Variants in GPC6 observed in about 807,000 individuals in gnomAD.
The protein encoded by GPC6 is glypican 6, also known as glypican-6.
In GPC6, 14 loss-of-function variants were observed where a neutral mutation model predicts 55.2. The observed-to-expected ratio is 0.25, with a 90% CI of 0.17 to 0.40. The LOEUF is 0.40. Ranked by LOEUF, GPC6 falls within the 10% of genes least tolerant of loss-of-function variation. The pLI is 1.00. For missense variants in GPC6, 641 were observed against 708.5 expected, an observed-to-expected ratio of 0.90 and a Z score of 1.08; for synonymous variants, 278 against 259.6, an observed-to-expected ratio of 1.07 and a Z score of -0.68.
At chr13:93,403,972 T>A (rs1006275974) in intron 1 of GPC6, among the ~76,000 whole-genome samples, 3 of 152,164 alleles carry the variant, frequency 2.0e-5, no homozygotes, top group Non-Finnish European at 2.9e-5. Context: ...CTTCATGGAA[T>A]CATCTTGATA....
At chr13:93,451,105 T>C (rs1878207742) in intron 1 of GPC6, among the ~76,000 whole-genome samples, 1 of 152,320 alleles carries the variant, frequency 6.6e-6, no homozygotes, top group East Asian at 1.9e-4. Context: ...GAATCAAAGA[T>C]AATGTCTAAT....
At chr13:93,633,534 G>A (rs1000474902) in intron 2 of GPC6, among the ~76,000 whole-genome samples, 8 of 151,950 alleles carry the variant, frequency 5.3e-5, no homozygotes, top group Non-Finnish European at 8.8e-5. Context: ...TACTCTGGAG[G>A]CTGAGGCAGG....
At chr13:94,304,662 T>C (rs1875847526) in intron 5 of GPC6, among the ~76,000 whole-genome samples, 1 of 152,202 alleles carries the variant, frequency 6.6e-6, no homozygotes, top group South Asian at 2.1e-4. Context: ...GTAAAGGTAT[T>C]ATCTCTCGAT....
intron 1 of GPC6, among the ~76,000 whole-genome samples, chr13:93,367,105 T>A (rs9561332): frequency 0.44 from 66,853 of 151,802 alleles, 16,423 homozygotes; most frequent in East Asian, 0.91. Flanking sequence ...AAAACATTTC[T>A]TTGCTTAGTT....
chr13:94,367,793 AAT>A (rs1879348309), intron 6 of GPC6, among the ~76,000 whole-genome samples: 1 of 151,938 alleles, frequency 6.6e-6, no homozygotes. Context: ...ACTTTTTTAA[AAT>A]TTTTATTTAT....
intron 1 of GPC6, among the ~76,000 whole-genome samples, chr13:93,516,542 TA>T (rs1280658802): frequency 5.9e-5 from 9 of 152,122 alleles, no homozygotes; most frequent in African/African-American, 1.7e-4. Flanking sequence ...TCAACACCAG[TA>T]AAAGGTTTCT....
chr13:93,487,891 C>T (rs1280498465), intron 1 of GPC6, among the ~76,000 whole-genome samples: 1 of 152,146 alleles, frequency 6.6e-6, no homozygotes, highest in African/African-American at 2.4e-5. Context: ...TTCTCTACCT[C>T]ATCATACTGC....
intron 4 of GPC6, among the ~76,000 whole-genome samples, chr13:94,131,387 T>G (rs1053614884): frequency 6.6e-6 from 1 of 152,144 alleles, no homozygotes; most frequent in African/African-American, 2.4e-5. Context: ...ACAGAGAAAA[T>G]ACTAACTCAT....
intron 4 of GPC6, among the ~76,000 whole-genome samples, chr13:94,196,972 C>T (rs1566531247): frequency 6.6e-6 from 1 of 152,232 alleles, no homozygotes; most frequent in East Asian, 1.9e-4. Flanking sequence ...ATAAATATCT[C>T]TGCTGGAATA....
chr13:93,227,641 C>A lies in GPC6; in HGVS notation c.160+25C>A. ...GGTAAGCGCGGGCGCGCTGCAGGGGCAGGCTGCAGCCCTCGGCTGCCGCAC... is the reference window on the plus strand; with the variant it reads ...GGTAAGCGCGGGCGCGCTGCAGGGGAAGGCTGCAGCCCTCGGCTGCCGCAC... On this transcript the variant is annotated intron_variant, in intron 1 of 8. Coordinates refer to ENST00000377047, the MANE Select transcript of GPC6 (RefSeq NM_005708.5). The surrounding 1 kb of genome is among the most constrained non-coding windows in gnomAD (Gnocchi z 4.3). 1.9e-6 allele frequency: 3 copies of A among 1,567,632 alleles called. No individual in the cohort carries two copies. Among genetic ancestry groups the A allele is most frequent in the Non-Finnish European group, 2.6e-6 (3 of 1,157,508 alleles).
In GPC6 at chr13:93,882,022, C is replaced by T. The variant is rs188328771; in HGVS notation, c.711+51477C>T. Among the ~76,000 whole-genome samples, 697 of 152,048 alleles carry T rather than the reference C, an allele frequency of 4.6e-3. 4 individuals are homozygous for T. Among genetic ancestry groups the T allele is most frequent in the South Asian group, 0.019 (93 of 4,822 alleles). ...TAGTTTTCAATCAAAACATGGTTTT[C>T]CCAAGTATTTTTTTTCCTTACTTTC... On this transcript the variant is annotated intron_variant, in intron 3 of 8. Coordinates refer to ENST00000377047, the MANE Select transcript of GPC6 (RefSeq NM_005708.5).
chr13:93,718,541 C>T (rs529142901), intron 2 of GPC6, among the ~76,000 whole-genome samples: 2 of 152,124 alleles, frequency 1.3e-5, no homozygotes, highest in East Asian at 3.9e-4. Flanking sequence ...AAAATGTTCT[C>T]CCATTCTGTA....
chr13:94,358,710 T>G (rs1180372286), intron 6 of GPC6, among the ~76,000 whole-genome samples: 1 of 152,222 alleles, frequency 6.6e-6, no homozygotes, highest in Non-Finnish European at 1.5e-5. Flanking sequence ...GTGAACACCT[T>G]GGCATGGTGA....
intron 1 of GPC6, among the ~76,000 whole-genome samples, chr13:93,446,190 G>A (rs1877989276): frequency 1.3e-5 from 2 of 152,044 alleles, no homozygotes; most frequent in Non-Finnish European, 2.9e-5. Flanking sequence ...TAAGAGTATA[G>A]GGATGTTGTA....
intron 2 of GPC6, among the ~76,000 whole-genome samples, chr13:93,669,713 C>G (rs1881281618): frequency 6.6e-6 from 1 of 151,852 alleles, no homozygotes; most frequent in Non-Finnish European, 1.5e-5. Flanking sequence ...TCCTAAGATC[C>G]AAGGAAGGAA....
intron 1 of GPC6, among the ~76,000 whole-genome samples, chr13:93,431,162 A>AT (rs1289170051): frequency 6.6e-6 from 1 of 152,150 alleles, no homozygotes; most frequent in African/African-American, 2.4e-5. Flanking sequence ...GGAAATTAGT[A>AT]TTTCTAATGC....
At chr13:93,836,774 G>A (rs556645557) in intron 3 of GPC6, among the ~76,000 whole-genome samples, 1 of 151,972 alleles carries the variant, frequency 6.6e-6, no homozygotes, top group South Asian at 2.1e-4. Flanking sequence ...TTGGGACTAG[G>A]AACCATAATA....
chr13:93,732,861 C>T (rs1195531812), intron 2 of GPC6, among the ~76,000 whole-genome samples: 1 of 152,054 alleles, frequency 6.6e-6, no homozygotes. Flanking sequence ...TTAAACTAAT[C>T]TATATATAAT....
intron 6 of GPC6, among the ~76,000 whole-genome samples, chr13:94,332,816 A>G (rs1487934944): frequency 6.6e-6 from 1 of 152,248 alleles, no homozygotes; most frequent in Non-Finnish European, 1.5e-5. Context: ...AGCGAATTTG[A>G]TGTCAGGAGA....
Sources: gnomAD v4.1 joint callset for allele counts (sites outside exome capture counted in the v4.1 genomes callset) on GRCh38, gnomAD v4.1.1 for gene constraint, Gnocchi (gnomAD v3.1) non-coding constraint, MANE v1.5 for transcripts, NCBI Gene and HGNC (gene_info 2026-07-23, HGNC 2026-07-21) for gene names.